Variants in FBXO15 observed in about 807,000 individuals in gnomAD.
The protein encoded by FBXO15 is F-box only protein 15.
FBXO15 carries 30 observed loss-of-function variants against 49.5 expected under a neutral mutation model. That is an observed-to-expected ratio of 0.61 (90% CI 0.45 to 0.82). The LOEUF (loss-of-function observed/expected upper bound fraction) is 0.82, where lower values mean the gene tolerates loss of function less well. FBXO15 is among the 40% of genes least tolerant of loss of function. FBXO15 has a pLI of 0.00. For missense variants in FBXO15, 591 were observed against 631.5 expected (o/e 0.94, Z 0.69); for synonymous variants, 250 against 232.7 (o/e 1.07, Z -0.68).
Position 74,101,804 on chromosome 18 carries a change from C to G in FBXO15, c.1139-19753G>C, listed in dbSNP as rs540282507. On this transcript the variant is annotated intron_variant, in intron 8 of 9. Coordinates refer to ENST00000419743, the MANE Select transcript of FBXO15 (RefSeq NM_001142958.2). ...TGGAACAGAATAGAGAATCCAGAAA[C>G]AAACCCAAATACTTACAGTCAATTG... Among the ~76,000 whole-genome samples the G allele has an allele frequency of 6.6e-5, 10 of 151,974 alleles. No individual in the cohort carries two copies. In the South Asian group the frequency reaches 2.1e-3, roughly 31 times the overall value.
At chr18:74,091,207 T>G (rs558530221) in intron 8 of FBXO15, among the ~76,000 whole-genome samples, 1 of 152,200 alleles carries the variant, frequency 6.6e-6, no homozygotes, top group African/African-American at 2.4e-5. Context: ...GAAGTTGGAA[T>G]AGTAACCCCT....
chr18:74,126,803 C>A (rs1002670783), intron 5 of FBXO15, among the ~76,000 whole-genome samples: 15 of 152,224 alleles, frequency 9.9e-5, no homozygotes, highest in Non-Finnish European at 2.2e-4. Flanking sequence ...CAGCTGCAGT[C>A]CAGCTTCAAA....
chr18:74,101,058 A>C (rs1244622552), intron 8 of FBXO15, among the ~76,000 whole-genome samples: 1 of 152,168 alleles, frequency 6.6e-6, no homozygotes, highest in Non-Finnish European at 1.5e-5. Flanking sequence ...TCATTCTATG[A>C]AGCCAGTATC....
At chr18:74,116,121 C>T (rs1013339669) in intron 8 of FBXO15, among the ~76,000 whole-genome samples, 1 of 152,170 alleles carries the variant, frequency 6.6e-6, no homozygotes, top group African/African-American at 2.4e-5. Flanking sequence ...GAACAATTAA[C>T]ACAACAGACA....
chr18:74,146,551 A>C (rs1437682660), intron 1 of FBXO15, among the ~76,000 whole-genome samples: 2 of 152,220 alleles, frequency 1.3e-5, no homozygotes, highest in East Asian at 3.8e-4. Flanking sequence ...ATTGATTAAA[A>C]GTTCAAGTTT....
intron 8 of FBXO15, among the ~76,000 whole-genome samples, chr18:74,084,792 A>T (rs1912668424): frequency 6.6e-6 from 1 of 152,142 alleles, no homozygotes; most frequent in South Asian, 2.1e-4. Flanking sequence ...GCCATTTATT[A>T]ACTGTATAAC....
At chr18:74,088,411 T>C (rs1293642020) in intron 8 of FBXO15, among the ~76,000 whole-genome samples, 2 of 152,240 alleles carry the variant, frequency 1.3e-5, no homozygotes, top group South Asian at 2.1e-4. Context: ...GCTTCAATCA[T>C]CTGCATATGG....
chr18:74,139,408 A>C (rs1374645629), intron 2 of FBXO15, among the ~76,000 whole-genome samples: 1 of 152,240 alleles, frequency 6.6e-6, no homozygotes, highest in Non-Finnish European at 1.5e-5. Flanking sequence ...CCTGTAAAAC[A>C]GCCTATTCCC....
In FBXO15 at chr18:74,130,264, A is replaced by T. The variant is rs1978322776; in HGVS notation, c.575+152T>A. 4 of 1,068,924 alleles carry T rather than the reference A, an allele frequency of 3.7e-6. No homozygotes were observed. The African/African-American group carries it at 4.7e-5, about 13-fold the overall frequency. The allele number at this position is 1,068,924 out of a possible 1,614,324, so 66.2% of individuals were successfully genotyped here. A position where few individuals can be genotyped will look rare whatever the true frequency, so the allele number is the denominator to read the frequency against. ...GTTGAATCAGCAGATGCAGAAGGCT[A>T]TGCGGAATAGGAAAATGATACATAT... On this transcript the variant is annotated intron_variant, in intron 4 of 9. Transcript: ENST00000419743.
intron 1 of FBXO15, among the ~76,000 whole-genome samples, chr18:74,140,555 G>A (rs1252794146): frequency 6.6e-6 from 1 of 151,362 alleles, no homozygotes; most frequent in Non-Finnish European, 1.5e-5. Flanking sequence ...AGGGAGAAGG[G>A]AGGAAGAGAC....
intron 8 of FBXO15, among the ~76,000 whole-genome samples, chr18:74,106,801 T>A (rs1310624439): frequency 1.3e-5 from 2 of 152,140 alleles, no homozygotes; most frequent in East Asian, 3.8e-4. Context: ...AAAATAATGG[T>A]CATGATAACA....
intron 1 of FBXO15, among the ~76,000 whole-genome samples, chr18:74,145,127 G>A (rs1206038178): frequency 6.6e-6 from 1 of 152,096 alleles, no homozygotes; most frequent in African/African-American, 2.4e-5. Context: ...CCCTAATTCA[G>A]TAACGAATGG....
chr18:74,076,316 GTTTAGGCAGTGC>G (rs1912256221), intron 9 of FBXO15: 1 of 152,330 alleles, frequency 6.6e-6, no homozygotes, highest in Non-Finnish European at 1.5e-5. Flanking sequence ...CAATGTGACT[GTTTAGGCAGTGC>G]GGCCTCTAGG....
intron 8 of FBXO15, among the ~76,000 whole-genome samples, chr18:74,093,673 T>C (rs1361112628): frequency 6.6e-6 from 1 of 152,230 alleles, no homozygotes; most frequent in Non-Finnish European, 1.5e-5. Flanking sequence ...TAACTGTAGT[T>C]CTCTTGCTAT....
rs1222764916 is a variant in FBXO15, at chr18:74,124,487, A to G, written c.995+2T>C. 1 of 1,613,116 alleles carries G rather than the reference A, an allele frequency of 6.2e-7. No homozygotes were observed. The highest frequency in any genetic ancestry group is 8.5e-7 in the Non-Finnish European group (1 of 1,179,350). Reference sequence around the variant, plus strand: ...TCAACACACCCACATATAAATACATACATAGTAGCCGAGCCTAATGTGCTC... The same window carrying G: ...TCAACACACCCACATATAAATACATGCATAGTAGCCGAGCCTAATGTGCTC... On this transcript the variant is annotated splice_donor_variant, in intron 7 of 9. Coordinates refer to ENST00000419743, the MANE Select transcript of FBXO15 (RefSeq NM_001142958.2). LOFTEE classifies it high-confidence loss of function.
At chr18:74,084,528 A>T (rs905286621) in intron 8 of FBXO15, among the ~76,000 whole-genome samples, 1 of 152,238 alleles carries the variant, frequency 6.6e-6, no homozygotes, top group African/African-American at 2.4e-5. Context: ...ATGGCTTTGC[A>T]TCTATAAACA....
At chr18:74,086,075 C>G (rs1005145918) in intron 8 of FBXO15, among the ~76,000 whole-genome samples, 1 of 152,056 alleles carries the variant, frequency 6.6e-6, no homozygotes, top group Non-Finnish European at 1.5e-5. Flanking sequence ...AATTACCACT[C>G]AGAAAGGAGT....
intron 8 of FBXO15, among the ~76,000 whole-genome samples, chr18:74,088,738 G>A (rs183569486): frequency 2.0e-5 from 3 of 152,210 alleles, no homozygotes; most frequent in East Asian, 3.9e-4. Flanking sequence ...TAATTCTGTG[G>A]AGAATGTCAT....
intron 8 of FBXO15, among the ~76,000 whole-genome samples, chr18:74,090,512 A>C (rs1330344563): frequency 6.6e-6 from 1 of 151,996 alleles, no homozygotes; most frequent in African/African-American, 2.4e-5. Flanking sequence ...TTAATCTGAG[A>C]TCTTTCTAAC....
Sources: allele counts gnomAD v4.1 joint callset (sites outside exome capture counted in the v4.1 genomes callset), GRCh38; gene constraint gnomAD v4.1.1; transcripts MANE v1.5; gene names NCBI Gene and HGNC (gene_info 2026-07-23, HGNC 2026-07-21).